Variants in ARHGAP15 observed in about 807,000 individuals in gnomAD.
The protein encoded by ARHGAP15 is rho GTPase-activating protein 15.
Under a neutral mutation model 63.7 loss-of-function variants are expected in ARHGAP15, and 51 were observed. The ratio of observed to expected loss-of-function variants is 0.80; its 90% CI spans 0.64 to 1.01. The LOEUF (loss-of-function observed/expected upper bound fraction) is 1.01, where lower values mean the gene tolerates loss of function less well. ARHGAP15 is among the 50% of genes least tolerant of loss of function. The pLI is 0.00. For missense variants in ARHGAP15, 560 were observed against 564.6 expected (o/e 0.99, Z 0.08); for synonymous variants, 191 against 193.8 (o/e 0.99, Z 0.12).
At chr2:143,403,039 G>A (rs1688054886) in intron 6 of ARHGAP15, among the ~76,000 whole-genome samples, 1 of 151,744 alleles carries the variant, frequency 6.6e-6, no homozygotes, top group Non-Finnish European at 1.5e-5. Flanking sequence ...AAAGTAATTA[G>A]TAAAATGCTA....
chr2:143,756,842 A>G (rs1417327224), intron 13 of ARHGAP15, among the ~76,000 whole-genome samples: 2 of 152,204 alleles, frequency 1.3e-5, no homozygotes, highest in African/African-American at 4.8e-5. Flanking sequence ...GGTGATTAAA[A>G]AATCAAAATA....
intron 8 of ARHGAP15, among the ~76,000 whole-genome samples, chr2:143,453,862 C>T (rs1690523304): frequency 6.6e-6 from 1 of 151,258 alleles, no homozygotes; most frequent in African/African-American, 2.4e-5. Context: ...ACAGGCTTTT[C>T]ATATCAAATC....
intron 6 of ARHGAP15, among the ~76,000 whole-genome samples, chr2:143,429,535 T>TG (rs1265499889): frequency 6.6e-6 from 1 of 152,098 alleles, no homozygotes; most frequent in Non-Finnish European, 1.5e-5. Context: ...ATTGCTTACA[T>TG]GGGCAGGTTA....
At chr2:143,569,242 T>C (rs1696360229) in intron 11 of ARHGAP15, among the ~76,000 whole-genome samples, 1 of 152,224 alleles carries the variant, frequency 6.6e-6, no homozygotes, top group African/African-American at 2.4e-5. Context: ...AAAATATTTC[T>C]TGAAAACCTT....
chr2:143,196,312 T>C (rs1691884612), intron 2 of ARHGAP15, among the ~76,000 whole-genome samples: 2 of 152,046 alleles, frequency 1.3e-5, no homozygotes. Context: ...ATATTTCAAG[T>C]TTTTTCAATG....
At chr2:143,557,002 C>T (rs1695831474) in intron 11 of ARHGAP15, among the ~76,000 whole-genome samples, 1 of 152,134 alleles carries the variant, frequency 6.6e-6, no homozygotes, top group South Asian at 2.1e-4. Flanking sequence ...ACACCAAATG[C>T]TGGCCAAGAT....
At chr2:143,160,600 T>A (rs1690252235) in intron 2 of ARHGAP15, among the ~76,000 whole-genome samples, 1 of 151,990 alleles carries the variant, frequency 6.6e-6, no homozygotes, top group Non-Finnish European at 1.5e-5. Flanking sequence ...AACAAGATTT[T>A]AAAAACAGCA....
intron 6 of ARHGAP15, among the ~76,000 whole-genome samples, chr2:143,287,249 T>C (rs902539057): frequency 2.6e-5 from 4 of 152,194 alleles, no homozygotes; most frequent in Admixed American, 1.3e-4. Context: ...CTTTTGACTT[T>C]AATGAAATGT....
At chr2:143,437,292 C>A in intron 8 of ARHGAP15, 1 of 390,542 alleles carries the variant, frequency 2.6e-6, no homozygotes, top group Non-Finnish European at 4.7e-6. Context: ...CTCTGAATCT[C>A]TGAGTAATAG....
In ARHGAP15 at chr2:143,179,378, C is replaced by T. The variant is rs1048611611; in HGVS notation, c.166-22756C>T. Among the ~76,000 whole-genome samples the T allele has an allele frequency of 8.5e-5, 13 of 152,332 alleles. No homozygotes were observed. In the East Asian group the frequency reaches 2.3e-3, roughly 27 times the overall value. ...CCTGCCTATAAGTCTCCAACTTCCT[C>T]TTATGTCTTAAGAAAAGTCTAGACA... is the stretch of plus-strand genomic sequence containing the variant. On this transcript the variant is annotated intron_variant, in intron 2 of 13. Coordinates refer to ENST00000295095, the MANE Select transcript of ARHGAP15 (RefSeq NM_018460.4).
intron 6 of ARHGAP15, among the ~76,000 whole-genome samples, chr2:143,344,677 A>G (rs1432503960): frequency 2.0e-5 from 3 of 152,164 alleles, no homozygotes; most frequent in African/African-American, 7.2e-5. Flanking sequence ...TATGCAGACC[A>G]TGGCTTGAAA....
At chr2:143,722,828 A>G (rs1685121930) in intron 13 of ARHGAP15, among the ~76,000 whole-genome samples, 1 of 152,152 alleles carries the variant, frequency 6.6e-6, no homozygotes, top group East Asian at 1.9e-4. Flanking sequence ...GGAGAAGGAG[A>G]GACCTGAGTG....
At chr2:143,241,056 T>C (rs1693842881) in intron 5 of ARHGAP15, among the ~76,000 whole-genome samples, 1 of 152,236 alleles carries the variant, frequency 6.6e-6, no homozygotes, top group Non-Finnish European at 1.5e-5. Context: ...TTTATCATTT[T>C]GGCCAATGAA....
chr2:143,580,718 A>G (rs1382893447), intron 11 of ARHGAP15, among the ~76,000 whole-genome samples: 4 of 152,102 alleles, frequency 2.6e-5, no homozygotes, highest in Non-Finnish European at 5.9e-5. Context: ...TGTTTTCTGT[A>G]TCATTACAAA....
At chr2:143,500,321 A>G (rs1692999768) in intron 9 of ARHGAP15, among the ~76,000 whole-genome samples, 1 of 151,660 alleles carries the variant, frequency 6.6e-6, no homozygotes, top group South Asian at 2.1e-4. Flanking sequence ...AATCTACAGT[A>G]ACACATTAAG....
At position 143,212,086 on chromosome 2, in the gene ARHGAP15, G is replaced by A. The variant is rs118134766; in HGVS notation, c.235-4298G>A. On this transcript the variant is annotated intron_variant, in intron 3 of 13. Transcript: ENST00000295095. ...CAGAACCCTTTGGTGGAATGGTGTA[G>A]ATGAAAATCTATTATTTGCAATTGT... Among the ~76,000 whole-genome samples the A allele has an allele frequency of 3.4e-4, 52 of 152,216 alleles. No individual in the cohort carries two copies. In the East Asian group the frequency reaches 9.3e-3, roughly 27 times the overall value.
chr2:143,182,357 A>G (rs1691272664), intron 2 of ARHGAP15, among the ~76,000 whole-genome samples: 1 of 152,176 alleles, frequency 6.6e-6, no homozygotes, highest in Admixed American at 6.5e-5. Flanking sequence ...GGAGAGGGAA[A>G]GAGACAGGGG....
chr2:143,263,401 CAA>C (rs1680828670), intron 6 of ARHGAP15, among the ~76,000 whole-genome samples: 1 of 152,192 alleles, frequency 6.6e-6, no homozygotes, highest in South Asian at 2.1e-4. Flanking sequence ...AGTTTGCTGT[CAA>C]ACACCTGGTT....
At chr2:143,222,618 G>A (rs1381979248) in intron 4 of ARHGAP15, among the ~76,000 whole-genome samples, 3 of 152,116 alleles carry the variant, frequency 2.0e-5, no homozygotes, top group Admixed American at 6.6e-5. Context: ...GCTGCCATCC[G>A]GTGTCCATTT....
Sources: allele counts gnomAD v4.1 joint callset (sites outside exome capture counted in the v4.1 genomes callset), GRCh38; gene constraint gnomAD v4.1.1; transcripts MANE v1.5; gene names NCBI Gene and HGNC (gene_info 2026-07-23, HGNC 2026-07-21).